The following TRIP11 variants were observed in gnomAD, a reference collection of about 807,000 sequenced individuals.
TRIP11 encodes thyroid hormone receptor interactor 11.
Under a neutral mutation model 223.1 loss-of-function variants are expected in TRIP11, and 148 were observed. That is an observed-to-expected ratio of 0.66 (90% CI 0.58 to 0.76). The LOEUF (loss-of-function observed/expected upper bound fraction) is 0.76, where lower values mean the gene tolerates loss of function less well. TRIP11 is among the 30% of genes least tolerant of loss of function. The pLI, the probability that TRIP11 is intolerant of heterozygous loss-of-function variation, is 0.00. For synonymous variants in TRIP11, 762 were observed against 772.6 expected (o/e 0.99, Z 0.23); for missense variants, 2,043 against 2,222.0 (o/e 0.92, Z 1.62).
intron 15 of TRIP11, among the ~76,000 whole-genome samples, chr14:91,992,200 C>A (rs2056683156): frequency 6.7e-6 from 1 of 149,542 alleles, no homozygotes; most frequent in African/African-American, 2.5e-5. Flanking sequence ...TTGTTTGGAG[C>A]GTCAAACCTA....
Position 91,978,227 on chromosome 14 carries a change from G to A in TRIP11, c.5261-2038C>T, listed in dbSNP as rs929611210. Among the ~76,000 whole-genome samples the A allele has an allele frequency of 3.9e-5, 6 of 152,046 alleles. No homozygotes were observed. Among genetic ancestry groups the A allele is most frequent in the Admixed American group, 6.6e-5 (1 of 15,258 alleles). ...AACTCAGCAAATAAGTTAATCTCTC[G>A]TCACTGTTTTGACTTAACCGTCCCA... On this transcript the variant is annotated intron_variant, in intron 16 of 20. Coordinates refer to ENST00000267622, the MANE Select transcript of TRIP11 (RefSeq NM_004239.4). The surrounding 1 kb of genome is among the most constrained non-coding windows in gnomAD (Gnocchi z 4.4).
At position 92,029,150 on chromosome 14, in the gene TRIP11, T is replaced by C. The variant is rs1157730981; in HGVS notation, c.202-3730A>G. Among the ~76,000 whole-genome samples, 5 of 152,000 alleles carry C rather than the reference T, an allele frequency of 3.3e-5. No homozygotes were observed. In the East Asian group the frequency reaches 9.6e-4, roughly 29 times the overall value. ...TTACTATCATGGGAATTTTAAAAAA[T>C]CATTTAAAAAATTATTCCCAACTAT... On this transcript the variant is annotated intron_variant, in intron 2 of 20. Transcript: ENST00000267622.
intron 16 of TRIP11, among the ~76,000 whole-genome samples, chr14:91,983,144 G>A (rs74071701): frequency 0.013 from 2,012 of 152,238 alleles, 30 homozygotes; most frequent in African/African-American, 0.045. Flanking sequence ...CCAACACCAA[G>A]TACAAAGGAT....
At chr14:92,011,483 CAA>C (rs200967942) in intron 8 of TRIP11, among the ~76,000 whole-genome samples, 68 of 42,454 alleles carry the variant, frequency 1.6e-3, no homozygotes, top group African/African-American at 3.3e-3. Context: ...GACTCCGTCT[CAA>C]AAAAAAAAAA....
At chr14:92,029,837 T>G (rs1227239888) in intron 2 of TRIP11, among the ~76,000 whole-genome samples, 1 of 152,114 alleles carries the variant, frequency 6.6e-6, no homozygotes, top group African/African-American at 2.4e-5. Flanking sequence ...TGAAACTGAC[T>G]GTAGAAGTGA....
intron 14 of TRIP11, among the ~76,000 whole-genome samples, chr14:91,995,056 T>A (rs2056731770): frequency 7.4e-6 from 1 of 135,780 alleles, no homozygotes. Context: ...TCATCTTTCC[T>A]TGTATTCTCC....
rs1326393815 is a variant in TRIP11, at chr14:91,969,859, A to G, written c.5754T>C (p.Asp1918=). ...TAESRSGRRT[D]VNPFLAPRSA... is the part of the protein sequence containing the mutation. The stretch of plus-strand genomic sequence containing the variant: ...AGCGAGGAGCCAAAAACGGATTTAC[A>G]TCTGTTCTTCTACCAGACCTGGATT... Residue 1918 remains aspartate, a synonymous_variant, in exon 21 of 21, where the codon GAT becomes GAC. Coordinates refer to ENST00000267622, the MANE Select transcript of TRIP11 (RefSeq NM_004239.4). 5.6e-6 allele frequency: 9 copies of G among 1,614,210 alleles called. No homozygotes were observed. The highest frequency in any genetic ancestry group is 5.0e-5 in the Admixed American group (3 of 60,020).
At chr14:91,976,252 TA>T in intron 16 of TRIP11, 63 bp from the exon 17 acceptor site, 1 of 1,369,618 alleles carries the variant, frequency 7.3e-7, no homozygotes. Flanking sequence ...GATGACTATA[TA>T]ATGAAATTTA....
chr14:91,985,322 T>G (rs1010807642), intron 16 of TRIP11, among the ~76,000 whole-genome samples: 3 of 152,182 alleles, frequency 2.0e-5, no homozygotes, highest in Admixed American at 1.3e-4. Flanking sequence ...TTGGTTCTCA[T>G]TAAATATTTA....
At position 92,004,876 on chromosome 14, in the gene TRIP11, G is replaced by A. The variant is rs200739251; in HGVS notation, c.3100C>T (p.Leu1034Phe). 3.1e-4 allele frequency: 507 copies of A among 1,613,836 alleles called. 1 individual carries two copies. Among genetic ancestry groups the A allele is most frequent in the South Asian group, 1.4e-3 (127 of 91,068 alleles). The change falls in exon 11 of 21, where the codon CTT (leucine) becomes TTT (phenylalanine). Residue 1034 changes from leucine to phenylalanine, a missense_variant. Transcript: ENST00000267622. The part of the protein sequence containing the change: ...GIKERELEIK[L>F]LNEKNISLTK... ...AAAGATATATTCTTTTCATTTAGAA[G>A]TTTAATCTCCAGTTCTCGCTCTTTT...
rs766441295 is a variant in TRIP11, at chr14:91,995,510, T to C, written c.4898A>G (p.Gln1633Arg). The C allele has an allele frequency of 6.8e-6, 11 of 1,614,010 alleles. No individual in the cohort carries two copies. The African/African-American group carries it at 1.5e-4, about 22-fold the overall frequency. The change falls in exon 14 of 21, where the codon CAA (glutamine) becomes CGA (arginine). Residue 1633 changes from glutamine to arginine, a missense_variant. Gln to Arg is a conservative substitution (Grantham distance 43). Transcript: ENST00000267622. ...SSNAMENASH[Q>R]ASVQVESLQE... Reference sequence around the variant, plus strand: ...CAATGACTCTACCTGCACACTGGCTTGATGGCTTCAAACAAAAAGAATAAA... The same window carrying C: ...CAATGACTCTACCTGCACACTGGCTCGATGGCTTCAAACAAAAAGAATAAA...
intron 7 of TRIP11, 106 bp from the exon 8 acceptor site, chr14:92,011,901 A>C: frequency 9.4e-6 from 9 of 954,624 alleles, no homozygotes; most frequent in Non-Finnish European, 1.5e-5. Context: ...TATAAGCACC[A>C]CTGGCAAGCA....
At chr14:92,039,215 A>G (rs2057356490) in intron 1 of TRIP11, among the ~76,000 whole-genome samples, 1 of 152,234 alleles carries the variant, frequency 6.6e-6, no homozygotes, top group African/African-American at 2.4e-5. Context: ...GTTAAGAATG[A>G]GATCAGCCCC....
At chr14:92,009,502 T>A (rs1298595003) in intron 9 of TRIP11, among the ~76,000 whole-genome samples, 10 of 152,156 alleles carry the variant, frequency 6.6e-5, no homozygotes, top group Admixed American at 4.6e-4. Context: ...TGCAGAGAGT[T>A]CTGCAAACTA....
intron 11 of TRIP11, among the ~76,000 whole-genome samples, chr14:92,003,168 T>C (rs1010860574): frequency 2.0e-4 from 30 of 152,130 alleles, no homozygotes; most frequent in African/African-American, 7.2e-4. Flanking sequence ...TAAAGAAAAA[T>C]ATTAAGTACT....
intron 16 of TRIP11, among the ~76,000 whole-genome samples, chr14:91,981,668 C>T (rs907165745): frequency 6.6e-6 from 1 of 152,266 alleles, no homozygotes; most frequent in Non-Finnish European, 1.5e-5. Flanking sequence ...GCTGGGATTA[C>T]AGGCATGGGC....
chr14:91,996,303 C>G (rs76636837), intron 13 of TRIP11, among the ~76,000 whole-genome samples: 2 of 152,336 alleles, frequency 1.3e-5, no homozygotes, highest in South Asian at 4.1e-4. Flanking sequence ...AATTCAATCA[C>G]TCTTCCTGTG....
intron 13 of TRIP11, among the ~76,000 whole-genome samples, chr14:91,996,718 A>T (rs867873442): frequency 1.1e-4 from 17 of 152,132 alleles, no homozygotes; most frequent in South Asian, 2.1e-4. Flanking sequence ...CTTGCCTTTG[A>T]CCCCCTTGTA....
Position 91,969,487 on chromosome 14 carries a change from G to C in TRIP11, c.*186C>G. ...CAGAAGGAATAAAGCAGATTATATA[G>C]CAAACACTTGCTCCTGACACCTGCA... On this transcript the variant is annotated 3_prime_UTR_variant, in exon 21 of 21. Coordinates refer to ENST00000267622, the MANE Select transcript of TRIP11 (RefSeq NM_004239.4). The C allele has an allele frequency of 1.5e-6, 1 of 655,592 alleles. No individual in the cohort carries two copies. The highest frequency in any genetic ancestry group is 1.8e-5 in the South Asian group (1 of 55,398). The allele number at this position is 655,592 out of a possible 1,614,324, so 40.6% of individuals were successfully genotyped here.
Sources: allele counts gnomAD v4.1 joint callset (sites outside exome capture counted in the v4.1 genomes callset), GRCh38; gene constraint gnomAD v4.1.1; non-coding constraint Gnocchi (gnomAD v3.1); transcripts MANE v1.5; gene names NCBI Gene and HGNC (gene_info 2026-07-23, HGNC 2026-07-21).